The following NINJ2 variants were observed in gnomAD, a reference collection of about 807,000 sequenced individuals.
NINJ2 encodes the protein ninjurin 2.
NINJ2 carries 12 observed loss-of-function variants against 11.7 expected under a neutral mutation model. That is an observed-to-expected ratio of 1.02 (90% CI 0.66 to 1.66). The LOEUF is 1.66. NINJ2 is among the 40% of genes most tolerant of loss of function. The pLI, the probability that NINJ2 is intolerant of heterozygous loss-of-function variation, is 0.00. For synonymous variants in NINJ2, 93 were observed against 76.8 expected (o/e 1.21, Z -1.10); for missense variants, 187 against 181.8 (o/e 1.03, Z -0.16).
chr12:645,971 T>C (rs1409630656), intron 1 of NINJ2: 1 of 152,224 alleles, frequency 6.6e-6, no homozygotes, highest in Non-Finnish European at 1.5e-5. Flanking sequence ...GGAAGCTGAC[T>C]TCTTATGGGA....
At position 564,443 on chromosome 12, in the gene NINJ2, G is replaced by A. The variant is rs1043822988; in HGVS notation, c.*257C>T. ...GCCTTAGACAGACATGCCTTACTTA[G>A]GTCCAGCAGATGCTACCAGGAAGGT... On this transcript the variant is annotated 3_prime_UTR_variant, in exon 4 of 4. Transcript: ENST00000305108. 1 of 152,258 alleles carries A rather than the reference G, an allele frequency of 6.6e-6. No individual in the cohort carries two copies. The allele number at this position is 152,258 out of a possible 1,614,324, so 9.4% of individuals were successfully genotyped here.
chr12:622,181 G>GGAGGCC (rs1948160510), intron 1 of NINJ2, among the ~76,000 whole-genome samples: 1 of 151,186 alleles, frequency 6.6e-6, no homozygotes, highest in Non-Finnish European at 1.5e-5. Flanking sequence ...CAGCACTCTG[G>GGAGGCC]GAGGCCGAGG....
chr12:574,569 C>G (rs1244565290), intron 1 of NINJ2, among the ~76,000 whole-genome samples: 3 of 152,070 alleles, frequency 2.0e-5, no homozygotes, highest in African/African-American at 4.8e-5. Flanking sequence ...GCTTGGCTCC[C>G]TTCCTCTCTC....
At chr12:568,568 C>T (rs1330563251) in intron 1 of NINJ2, among the ~76,000 whole-genome samples, 4 of 152,234 alleles carry the variant, frequency 2.6e-5, no homozygotes, top group African/African-American at 9.6e-5. Flanking sequence ...GGCTGCCCCT[C>T]TCTGACTCTG....
intron 1 of NINJ2, among the ~76,000 whole-genome samples, chr12:597,785 C>T (rs1010858307): frequency 1.7e-4 from 26 of 152,166 alleles, no homozygotes; most frequent in African/African-American, 3.9e-4. Context: ...CAAGAAGTGT[C>T]GCAGGAGCCT....
intron 1 of NINJ2, among the ~76,000 whole-genome samples, chr12:648,152 C>T (rs1157819893): frequency 1.3e-5 from 2 of 152,204 alleles, no homozygotes; most frequent in Non-Finnish European, 2.9e-5. Context: ...CGGCTCACTG[C>T]AACCTCCGCC....
intron 1 of NINJ2, among the ~76,000 whole-genome samples, chr12:634,097 A>G (rs899890653): frequency 1.3e-5 from 2 of 151,908 alleles, no homozygotes; most frequent in African/African-American, 4.8e-5. Flanking sequence ...TATTTGGCCA[A>G]CTACTTCAGT....
intron 1 of NINJ2, among the ~76,000 whole-genome samples, chr12:567,776 CA>C (rs772284911): frequency 3.3e-5 from 5 of 152,160 alleles, no homozygotes; most frequent in Non-Finnish European, 7.3e-5. Flanking sequence ...GAGGCCAAGG[CA>C]GGGGGATCAT....
At chr12:595,059 A>G (rs975634224) in intron 1 of NINJ2, among the ~76,000 whole-genome samples, 1 of 152,248 alleles carries the variant, frequency 6.6e-6, no homozygotes, top group Non-Finnish European at 1.5e-5. Context: ...TCTTTGACAA[A>G]GGAGCACAGA....
chr12:634,262 GTTCT>G (rs1948317005), intron 1 of NINJ2, among the ~76,000 whole-genome samples: 1 of 75,622 alleles, frequency 1.3e-5, no homozygotes, highest in African/African-American at 4.0e-5. Context: ...ATTAGTTGCA[GTTCT>G]TTTTTTTTTT....
chr12:621,495 GAAAAAGAAAAGAA>G (rs1948152380), intron 1 of NINJ2, among the ~76,000 whole-genome samples: 1 of 149,092 alleles, frequency 6.7e-6, no homozygotes, highest in Non-Finnish European at 1.5e-5. Context: ...AGAAAGAAAA[GAAAAAGAAAAGAA>G]AAAAAGAAAA....
chr12:637,803 T>A lies in NINJ2; in HGVS notation c.33+25525A>T, dbSNP rs546506374. Among the ~76,000 whole-genome samples, 152 of 152,252 alleles carry A rather than the reference T, an allele frequency of 1.0e-3. 1 individual carries two copies. Among genetic ancestry groups the A allele is most frequent in the African/African-American group, 3.5e-3 (147 of 41,558 alleles). ...GTTGCTGGTTTAGGTTAGTGATTAG[T>A]GCTTACGGGTGGGGTAAAAGAAATA... On this transcript the variant is annotated intron_variant, in intron 1 of 3. Transcript: ENST00000305108.
At chr12:572,751 A>G (rs140352938) in intron 1 of NINJ2, among the ~76,000 whole-genome samples, 1 of 152,300 alleles carries the variant, frequency 6.6e-6, no homozygotes, top group African/African-American at 2.4e-5. Context: ...CATCATCATC[A>G]CAGTTGAGAA....
intron 1 of NINJ2, among the ~76,000 whole-genome samples, chr12:624,231 T>C (rs368515392): frequency 3.9e-5 from 6 of 152,288 alleles, no homozygotes; most frequent in East Asian, 3.9e-4. Flanking sequence ...TCCAAACCTA[T>C]GTGTAAAGGT....
At chr12:584,049 A>G (rs1947598780) in intron 1 of NINJ2, among the ~76,000 whole-genome samples, 1 of 144,700 alleles carries the variant, frequency 6.9e-6, no homozygotes, top group Non-Finnish European at 1.5e-5. Context: ...TCTTCAATGA[A>G]CATTTGGAGT....
At chr12:619,194 A>G (rs74742609) in intron 1 of NINJ2, among the ~76,000 whole-genome samples, 11,910 of 152,102 alleles carry the variant, frequency 0.078, 609 homozygotes, top group East Asian at 0.16. Flanking sequence ...TCAGGAGTTG[A>G]TGGTGTGTGC....
chr12:610,729 CTTTT>C (rs71045085), intron 1 of NINJ2: 457 of 207,916 alleles, frequency 2.2e-3, no homozygotes, highest in Non-Finnish European at 2.8e-3. Context: ...GAAATCTATT[CTTTT>C]TTTTTTTTTT....
rs2607924 is a variant in NINJ2, at chr12:591,509, G to C, written c.34-25331C>G. Among the ~76,000 whole-genome samples, 114,956 of 152,052 alleles carry C rather than the reference G, an allele frequency of 0.76. 43,581 individuals are homozygous for C. The highest frequency in any genetic ancestry group is 0.78 in the Middle Eastern group (230 of 294). Reference sequence around the variant, plus strand: ...GGACTGAGTGCTGATTCACCTACTAGGTTGGTCAGAGGGTTGGGGGCAACT... The same window carrying C: ...GGACTGAGTGCTGATTCACCTACTACGTTGGTCAGAGGGTTGGGGGCAACT... On this transcript the variant is annotated intron_variant, in intron 1 of 3. Coordinates refer to ENST00000305108, the MANE Select transcript of NINJ2 (RefSeq NM_016533.6). The surrounding 1 kb of genome is among the most constrained non-coding windows in gnomAD (Gnocchi z 5.0).
At position 609,402 on chromosome 12, in the gene NINJ2, T is replaced by C. The variant is rs556676054; in HGVS notation, c.34-43224A>G. Among the ~76,000 whole-genome samples, 286 of 152,200 alleles carry C rather than the reference T, an allele frequency of 1.9e-3. 2 individuals are homozygous for C. The highest frequency in any genetic ancestry group is 5.9e-3 in the African/African-American group (246 of 41,506). ...AATGCAGAGCGGGCCTTCGCAAGGC[T>C]CACAGCCCAATTCTCTTTTCCATTT... On this transcript the variant is annotated intron_variant, in intron 1 of 3. Coordinates refer to ENST00000305108, the MANE Select transcript of NINJ2 (RefSeq NM_016533.6).
Sources: allele counts gnomAD v4.1 joint callset (sites outside exome capture counted in the v4.1 genomes callset), GRCh38; gene constraint gnomAD v4.1.1; non-coding constraint Gnocchi (gnomAD v3.1); transcripts MANE v1.5; gene names NCBI Gene and HGNC (gene_info 2026-07-23, HGNC 2026-07-21).